The following SDK2 variants were observed in gnomAD, a reference collection of about 807,000 sequenced individuals.
SDK2 encodes the protein sidekick cell adhesion molecule 2.
In SDK2, 105 loss-of-function variants were observed where a neutral mutation model predicts 253.9. That is an observed-to-expected ratio of 0.41 (90% CI 0.35 to 0.49). The LOEUF (loss-of-function observed/expected upper bound fraction) is 0.49, where lower values mean the gene tolerates loss of function less well. Ranked by LOEUF, SDK2 falls within the 20% of genes least tolerant of loss-of-function variation. The pLI is 0.06. For missense variants in SDK2, 2,608 were observed against 3,003.0 expected, an observed-to-expected ratio of 0.87 and a Z score of 3.07; for synonymous variants, 1,249 against 1,234.9, an observed-to-expected ratio of 1.01 and a Z score of -0.24.
intron 2 of SDK2, among the ~76,000 whole-genome samples, chr17:73,502,136 A>G (rs924080017): frequency 6.6e-6 from 1 of 152,138 alleles, no homozygotes; most frequent in African/African-American, 2.4e-5. Flanking sequence ...CCATTTGGCT[A>G]CAGAACCCAA....
rs145125653 is a variant in SDK2 at position 73,442,994 on chromosome 17, C to G, written c.614-2071G>C. On this transcript the variant is annotated intron_variant, in intron 5 of 44. Transcript: ENST00000392650. Reference sequence around the variant, plus strand: ...TCCAATATTCTGTGTATGCCTGATCCATGGCTCCTGAAAATACAACCTCTG... The same window carrying G: ...TCCAATATTCTGTGTATGCCTGATCGATGGCTCCTGAAAATACAACCTCTG... Among the ~76,000 whole-genome samples the G allele has an allele frequency of 4.6e-3, 695 of 152,152 alleles. 7 individuals are homozygous for G. The highest frequency in any genetic ancestry group is 0.016 in the African/African-American group (673 of 41,516).
chr17:73,417,549 C>G (rs1431789163), intron 16 of SDK2, among the ~76,000 whole-genome samples: 1 of 152,034 alleles, frequency 6.6e-6, no homozygotes, highest in Admixed American at 6.5e-5. Flanking sequence ...TAGCAGAGGT[C>G]TAGGGGATGT....
rs138821148 is a variant in SDK2, at chr17:73,390,358, C to A, written c.4121G>T (p.Arg1374Leu). 5.0e-6 allele frequency: 8 copies of A among 1,611,324 alleles called. No homozygotes were observed. Among genetic ancestry groups the A allele is most frequent in the Non-Finnish European group, 6.8e-6 (8 of 1,179,634 alleles). ...GLKPESVYLF[R>L]ITAQTRKGWG... is the part of the protein sequence containing the mutation. ...GCCCTTGCGGGTCTGGGCCGTGATGCGGAACAGGTAGACAGACTCTGGCTT... is the reference window on the plus strand; with the variant it reads ...GCCCTTGCGGGTCTGGGCCGTGATGAGGAACAGGTAGACAGACTCTGGCTT... Residue 1374 changes from arginine (R) to leucine (L), a missense_variant, in exon 29 of 45, where the codon CGC becomes CTC. Coordinates refer to ENST00000392650, the MANE Select transcript of SDK2 (RefSeq NM_001144952.2).
In SDK2 at chr17:73,447,840, C is replaced by T. The variant is rs2145644940; in HGVS notation, c.480-92G>A. 6.9e-7 allele frequency: 1 copy of T among 1,446,992 alleles called. No individual in the cohort carries two copies. The highest frequency in any genetic ancestry group is 1.3e-5 in the South Asian group (1 of 78,908). The allele number at this position is 1,446,992 out of a possible 1,614,324, so 89.6% of individuals were successfully genotyped here. ...TGGAAACCCTAAGGGGGAAGCCCGACCATATCTCCCAGTCCCCAGCCTCCC... is the reference window on the plus strand; with the variant it reads ...TGGAAACCCTAAGGGGGAAGCCCGATCATATCTCCCAGTCCCCAGCCTCCC... On this transcript the variant is annotated intron_variant, in intron 4 of 44. Coordinates refer to ENST00000392650, the MANE Select transcript of SDK2 (RefSeq NM_001144952.2). This position sits in a 1 kb window ranked among gnomAD's most constrained non-coding sequence, Gnocchi z 4.0.
intron 37 of SDK2, among the ~76,000 whole-genome samples, 200 bp downstream of exon 37, chr17:73,368,207 T>TATGGGG (rs933312941): frequency 1.4e-4 from 22 of 152,072 alleles, no homozygotes; most frequent in African/African-American, 5.1e-4. Context: ...CTCAAGGCTT[T>TATGGGG]ATGGGGACAG....
In SDK2 at chr17:73,588,843, G is replaced by A. The variant is rs982979554; in HGVS notation, c.64+55182C>T. ...AGCTCTGGGTGACAACCGGACAGGC[G>A]TGGGGCACACTCCTCTACGTGGCGC... On this transcript the variant is annotated intron_variant, in intron 1 of 44. Coordinates refer to ENST00000392650, the MANE Select transcript of SDK2 (RefSeq NM_001144952.2). 9.2e-5 allele frequency among the ~76,000 whole-genome samples: 14 copies of A among 152,252 alleles called. No individual in the cohort carries two copies. The East Asian group carries it at 2.3e-3, about 25-fold the overall frequency.
intron 12 of SDK2, among the ~76,000 whole-genome samples, chr17:73,426,940 C>T (rs1039371964): frequency 8.6e-5 from 13 of 151,994 alleles, no homozygotes; most frequent in Non-Finnish European, 1.9e-4. Context: ...AAAAAATTAG[C>T]CAGGCGTGGT....
Position 73,430,613 on chromosome 17 carries a change from G to A in SDK2, c.1481C>T (p.Ala494Val), listed in dbSNP as rs2063319324. ...DEASADLVVW[A>V]RTRITKPPQD... ...GGGGGGCTTGGTGATGCGGGTCCGA[G>A]CTGAAAGATACAGCGGAGACAGCAT... The change falls in exon 12 of 45, where the codon GCT (alanine) becomes GTT (valine). Residue 494 changes from alanine to valine, a missense_variant and splice_region_variant. Ala to Val is a moderately conservative substitution (Grantham distance 64, BLOSUM62 0). Coordinates refer to ENST00000392650, the MANE Select transcript of SDK2 (RefSeq NM_001144952.2). The A allele has an allele frequency of 1.3e-6, 2 of 1,558,302 alleles. No individual in the cohort carries two copies. The highest frequency in any genetic ancestry group is 1.7e-6 in the Non-Finnish European group (2 of 1,150,526).
At chr17:73,392,305 T>C (rs532516372) in intron 27 of SDK2, among the ~76,000 whole-genome samples, 1 of 151,882 alleles carries the variant, frequency 6.6e-6, no homozygotes, top group Non-Finnish European at 1.5e-5. Flanking sequence ...AGTCTCGCTC[T>C]GTTGCCCAGG....
chr17:73,343,974 C>G (rs2062461371), intron 44 of SDK2, among the ~76,000 whole-genome samples: 1 of 152,216 alleles, frequency 6.6e-6, no homozygotes, highest in South Asian at 2.1e-4. Context: ...TGCACTGACT[C>G]TAGCCTGAAG....
At chr17:73,522,163 CA>C (rs2064085055) in intron 1 of SDK2, among the ~76,000 whole-genome samples, 1 of 152,254 alleles carries the variant, frequency 6.6e-6, no homozygotes, top group Non-Finnish European at 1.5e-5. Context: ...AAGACCAACC[CA>C]GAGTGTGCAA....
At chr17:73,597,266 G>T (rs2045773198) in intron 1 of SDK2, among the ~76,000 whole-genome samples, 1 of 152,212 alleles carries the variant, frequency 6.6e-6, no homozygotes, top group African/African-American at 2.4e-5. Context: ...AAGACGGGGA[G>T]CTGCCCTGGG....
At position 73,507,459 on chromosome 17, in the gene SDK2, G is replaced by A; in HGVS notation, c.203C>T (p.Thr68Ile). The A allele has an allele frequency of 3.9e-6, 6 of 1,551,430 alleles. No individual in the cohort carries two copies. The highest frequency in any genetic ancestry group is 5.2e-6 in the Non-Finnish European group (6 of 1,146,864). ...TTACCTGTATTCCAGGGAGAACTTG[G>A]TCAGCTCCCTGTTGTTGTGGAGCCA... ...FKWLHNNREL[T>I]KFSLEYRYMI... Residue 68 changes from threonine (T) to isoleucine (I), a missense_variant, in exon 2 of 45, where the codon ACC (threonine) becomes ATC (isoleucine). Thr to Ile is a moderately conservative substitution (Grantham distance 89, BLOSUM62 -1). Coordinates refer to ENST00000392650, the MANE Select transcript of SDK2 (RefSeq NM_001144952.2).
At chr17:73,611,871 T>C (rs550049949) in intron 1 of SDK2, among the ~76,000 whole-genome samples, 1 of 152,068 alleles carries the variant, frequency 6.6e-6, no homozygotes, top group African/African-American at 2.4e-5. Flanking sequence ...CAGGGTCAGA[T>C]GAAAGTATCT....
At chr17:73,421,374 CT>C (rs1458942820) in intron 15 of SDK2, among the ~76,000 whole-genome samples, 5 of 152,182 alleles carry the variant, frequency 3.3e-5, no homozygotes, top group Non-Finnish European at 7.3e-5. Context: ...CCCCAGGCGT[CT>C]TTCAAAGAGC....
chr17:73,368,593 T>A lies in SDK2; in HGVS notation c.4981A>T (p.Ile1661Phe). ...SQNGDIQGYK[I>F]YFWEAQRGNL... ...CCCCGCTGGGCTTCCCAGAAATAAA[T>A]CTGTGGGAACAGAAGGATGTGGGAG... The change falls in exon 37 of 45, where the codon ATT (isoleucine) becomes TTT (phenylalanine). Residue 1661 changes from isoleucine (I) to phenylalanine (F), a missense_variant and splice_region_variant. By Grantham distance (21) the Ile-to-Phe change is conservative (BLOSUM62 0). This residue lies in a region of SDK2 where 1,103 missense variants were observed against 1,143.9 expected (regional missense o/e 0.96). Coordinates refer to ENST00000392650, the MANE Select transcript of SDK2 (RefSeq NM_001144952.2). 6.4e-7 allele frequency: 1 copy of A among 1,571,600 alleles called. No homozygotes were observed. The highest frequency in any genetic ancestry group is 8.6e-7 in the Non-Finnish European group (1 of 1,157,436).
chr17:73,444,756 G>C (rs904108880), intron 5 of SDK2, among the ~76,000 whole-genome samples: 6 of 152,216 alleles, frequency 3.9e-5, no homozygotes, highest in Non-Finnish European at 7.3e-5. Context: ...GGGACCATGG[G>C]ACTCGCCTGG....
chr17:73,453,011 C>T (rs916087515), intron 4 of SDK2, among the ~76,000 whole-genome samples: 2 of 152,236 alleles, frequency 1.3e-5, no homozygotes, highest in South Asian at 2.1e-4. Context: ...CAGCATGAGT[C>T]CCCTGTTAAC....
intron 1 of SDK2, among the ~76,000 whole-genome samples, chr17:73,571,192 C>T (rs1454969547): frequency 1.6e-4 from 24 of 152,102 alleles, no homozygotes; most frequent in Admixed American, 1.6e-3. Context: ...CCTCAGCTTC[C>T]CGAGTAACTG....
Sources: gnomAD v4.1 joint callset for allele counts (sites outside exome capture counted in the v4.1 genomes callset) on GRCh38, gnomAD v4.1.1 for gene constraint, gnomAD v4.1.1 regional missense constraint, Gnocchi (gnomAD v3.1) non-coding constraint, MANE v1.5 for transcripts, NCBI Gene and HGNC (gene_info 2026-07-23, HGNC 2026-07-21) for gene names.